COL6A6: variants seen among roughly 807,000 people sequenced by gnomAD.
The protein encoded by COL6A6 is collagen type VI alpha 6 chain.
In COL6A6, 183 loss-of-function variants were observed where a neutral mutation model predicts 208.6. The observed-to-expected ratio is 0.88, with a 90% CI of 0.78 to 0.99. The LOEUF (loss-of-function observed/expected upper bound fraction) is 0.99, where lower values mean the gene tolerates loss of function less well. Ranked by LOEUF, COL6A6 falls within the 50% of genes least tolerant of loss-of-function variation. The pLI is 0.00. For missense variants in COL6A6, 2,816 were observed against 2,815.2 expected, an observed-to-expected ratio of 1.00 and a Z score of -0.01; for synonymous variants, 973 against 1,011.8, an observed-to-expected ratio of 0.96 and a Z score of 0.73.
intron 24 of COL6A6, among the ~76,000 whole-genome samples, chr3:130,623,777 C>T (rs2108282229): frequency 6.6e-6 from 1 of 152,138 alleles, no homozygotes; most frequent in South Asian, 2.1e-4. Context: ...ATTTCAGAGT[C>T]ATTTGGATTA....
intron 33 of COL6A6, among the ~76,000 whole-genome samples, chr3:130,651,155 C>T (rs547649103): frequency 2.6e-5 from 4 of 152,228 alleles, no homozygotes; most frequent in East Asian, 1.9e-4. Flanking sequence ...TGGCTGGGTG[C>T]GGTGGCTCAC....
rs916805825 is a variant in COL6A6, at chr3:130,611,923, G to A, written c.4815+1212G>A. 2.6e-5 allele frequency among the ~76,000 whole-genome samples: 4 copies of A among 151,732 alleles called. No individual in the cohort carries two copies. The East Asian group carries it at 5.8e-4, about 22-fold the overall frequency. On this transcript the variant is annotated intron_variant, in intron 23 of 36. Coordinates refer to ENST00000358511, the MANE Select transcript of COL6A6 (RefSeq NM_001102608.3). ...TAGTACTAAATAAGTATTTTTTTCC[G>A]ATCCTTTCCCATCCTTTACTTTCAA...
chr3:130,599,846 T>A (rs1279298187), intron 20 of COL6A6, 36 bp downstream of exon 20: 2 of 1,603,404 alleles, frequency 1.2e-6, no homozygotes. Flanking sequence ...CCCACTGTTT[T>A]GGTGGCTCAT....
intron 20 of COL6A6, among the ~76,000 whole-genome samples, chr3:130,605,010 G>A (rs2064141563): frequency 6.6e-6 from 1 of 152,204 alleles, no homozygotes; most frequent in African/African-American, 2.4e-5. Context: ...TTTCAGCCTA[G>A]TAACCCTGCT....
chr3:130,553,631 T>TC (rs2062697777), intron 1 of COL6A6, among the ~76,000 whole-genome samples: 1 of 149,586 alleles, frequency 6.7e-6, no homozygotes, highest in South Asian at 2.1e-4. Context: ...CTATCCATAC[T>TC]CTGGGTTTTT....
Position 130,567,047 on chromosome 3 carries a change from T to C in COL6A6, c.1628T>C (p.Val543Ala), listed in dbSNP as rs748799802. The change falls in exon 5 of 37, where the codon GTC becomes GCC. Residue 543 changes from valine (V) to alanine (A), a missense_variant. Physicochemically the swap from Val to Ala is moderately conservative, Grantham distance 64 (BLOSUM62 0). Transcript: ENST00000358511. The part of the protein sequence containing the change: ...RGNKVPCHLV[V>A]LTNGMSKDSI... ...AACAAAGTTCCATGCCACCTTGTTG[T>C]CCTGACAAATGGCATGTCCAAGGAT... 1 of 1,614,038 alleles carries C rather than the reference T, an allele frequency of 6.2e-7. No individual in the cohort carries two copies. The highest frequency in any genetic ancestry group is 1.1e-5 in the South Asian group (1 of 91,082).
At chr3:130,586,032 G>A (rs2063533382) in intron 10 of COL6A6, among the ~76,000 whole-genome samples, 1 of 152,230 alleles carries the variant, frequency 6.6e-6, no homozygotes, top group African/African-American at 2.4e-5. Flanking sequence ...ACAGGTCACT[G>A]CAGGCTCAAC....
chr3:130,548,318 G>A (rs946631555), intron 1 of COL6A6, among the ~76,000 whole-genome samples: 1 of 152,200 alleles, frequency 6.6e-6, no homozygotes, highest in Non-Finnish European at 1.5e-5. Context: ...AGTTCTATGA[G>A]CAGGCCTCAG....
At chr3:130,566,595 C>T in intron 4 of COL6A6, 107 bp from the exon 5 acceptor site, 1 of 892,008 alleles carries the variant, frequency 1.1e-6, no homozygotes. Context: ...AAGCTGTTTC[C>T]CATTTTTCTG....
intron 1 of COL6A6, among the ~76,000 whole-genome samples, chr3:130,536,318 A>G (rs184666838): frequency 6.6e-6 from 1 of 152,236 alleles, no homozygotes; most frequent in Admixed American, 6.5e-5. Flanking sequence ...TTTCATCCCT[A>G]TACATCCATT....
In COL6A6 at chr3:130,576,303, G is replaced by A. The variant is rs368304009; in HGVS notation, c.3547+1778G>A. Among the ~76,000 whole-genome samples the A allele has an allele frequency of 4.1e-4, 63 of 152,206 alleles. 1 individual carries two copies. The South Asian group carries it at 0.013, about 31-fold the overall frequency. ...TCCTTGCGTATATGTGTGTGTGCCT[G>A]ATGGGAGAGCCCACAGCACATCAAC... On this transcript the variant is annotated intron_variant, in intron 8 of 36. Coordinates refer to ENST00000358511, the MANE Select transcript of COL6A6 (RefSeq NM_001102608.3).
Position 130,627,349 on chromosome 3 carries a change from G to T in COL6A6, c.4972G>T (p.Val1658Phe), listed in dbSNP as rs755959537. 7 of 1,613,684 alleles carry T rather than the reference G, an allele frequency of 4.3e-6. No individual in the cohort carries two copies. Among genetic ancestry groups the T allele is most frequent in the Non-Finnish European group, 5.9e-6 (7 of 1,179,710 alleles). Residue 1658 changes from valine (V) to phenylalanine (F), a missense_variant, in exon 26 of 37, where the codon GTC (valine) becomes TTC (phenylalanine). By Grantham distance (50) the Val-to-Phe change is conservative. Transcript: ENST00000358511. The part of the protein sequence containing the change: ...GNDGSPGYGS[V>F]GRKGAKGQEG... ...TGATGGCAGTCCAGGTTATGGTAGT[G>T]TCGGACGCAAGGGAGCAAAGGTAAG... is the stretch of plus-strand genomic sequence containing the variant.
Position 130,662,871 on chromosome 3 carries a change from G to C in COL6A6, c.6502+563G>C, listed in dbSNP as rs184606594. On this transcript the variant is annotated intron_variant, in intron 35 of 36. Transcript: ENST00000358511. ...GCTCTTTTTATGATGCCAGTAATTA[G>C]AGTAACTGGTGCCCATAAAAAAGAA... Among the ~76,000 whole-genome samples, 24 of 152,278 alleles carry C rather than the reference G, an allele frequency of 1.6e-4. No individual in the cohort carries two copies. In the East Asian group the frequency reaches 4.4e-3, roughly 28 times the overall value.
At chr3:130,531,061 G>GTCTCTC (rs10662894) in intron 1 of COL6A6, among the ~76,000 whole-genome samples, 135 of 136,660 alleles carry the variant, frequency 9.9e-4, no homozygotes, top group African/African-American at 3.7e-3. Flanking sequence ...CACACACACA[G>GTCTCTC]TCTCTCTCTC....
chr3:130,616,806 A>T (rs2064542580), intron 23 of COL6A6, among the ~76,000 whole-genome samples: 1 of 152,102 alleles, frequency 6.6e-6, no homozygotes, highest in Non-Finnish European at 1.5e-5. Flanking sequence ...TTGATTCCTA[A>T]CTTTGTACCT....
intron 1 of COL6A6, among the ~76,000 whole-genome samples, chr3:130,519,941 A>C (rs1710967964): frequency 6.6e-6 from 1 of 152,236 alleles, no homozygotes; most frequent in Non-Finnish European, 1.5e-5. Flanking sequence ...AACAGGAACG[A>C]ATGATCCGCC....
At chr3:130,585,311 T>TA (rs2063513422) in intron 10 of COL6A6, among the ~76,000 whole-genome samples, 2 of 152,154 alleles carry the variant, frequency 1.3e-5, no homozygotes, top group African/African-American at 2.4e-5. Context: ...GCTATCTGGG[T>TA]AAAAAACCTA....
rs549896105 is a variant in COL6A6, at chr3:130,563,310, G to C, written c.307G>C (p.Gly103Arg). 6.2e-7 allele frequency: 1 copy of C among 1,613,972 alleles called. No homozygotes were observed. The highest frequency in any genetic ancestry group is 8.5e-7 in the Non-Finnish European group (1 of 1,179,880). Residue 103 changes from glycine to arginine, a missense_variant, in exon 3 of 37, where the codon GGG (glycine) becomes CGG (arginine). By Grantham distance (125) the Gly-to-Arg change is moderately radical. Transcript: ENST00000358511. ...HLRKNFGFIG[G>R]SLQIGKALQE... ...AAGGAAGAACTTTGGATTCATTGGC[G>C]GGTCCCTGCAGATAGGAAAGGCTCT...
intron 26 of COL6A6, among the ~76,000 whole-genome samples, chr3:130,634,052 T>TAAAAAA (rs34137705): frequency 5.1e-4 from 14 of 27,628 alleles, no homozygotes; most frequent in African/African-American, 1.5e-3. Context: ...TAGAGTATAA[T>TAAAAAA]AAAAAAAAAA....
Sources: allele counts gnomAD v4.1 joint callset (sites outside exome capture counted in the v4.1 genomes callset), GRCh38; gene constraint gnomAD v4.1.1; transcripts MANE v1.5; gene names NCBI Gene and HGNC (gene_info 2026-07-23, HGNC 2026-07-21).